The following BCAT1 variants were observed in gnomAD, a reference collection of about 807,000 sequenced individuals.
The protein encoded by BCAT1 is branched chain amino acid transaminase 1, also known as branched-chain-amino-acid aminotransferase, cytosolic.
A neutral mutation model predicts 52.4 loss-of-function variants in BCAT1; 48 were observed. The observed-to-expected ratio is 0.92, with a 90% confidence interval of 0.73 to 1.16. BCAT1 has a LOEUF of 1.16. Among genes scored for constraint, BCAT1 ranks in the 50% most tolerant of loss-of-function variants. The probability of loss-of-function intolerance (pLI) is 0.00; values close to 1 mark genes in which losing one functional copy is unlikely to be tolerated. For missense variants in BCAT1, 451 were observed against 457.1 expected, an observed-to-expected ratio of 0.99 and a Z score of 0.12; for synonymous variants, 167 against 161.3, an observed-to-expected ratio of 1.04 and a Z score of -0.27.
In BCAT1 at chr12:24,817,902, T is replaced by A; in HGVS notation, c.*106A>T. 1 of 1,185,204 alleles carries A rather than the reference T, an allele frequency of 8.4e-7. No homozygotes were observed. Among genetic ancestry groups the A allele is most frequent in the South Asian group, 1.3e-5 (1 of 77,350 alleles). 73.4% of individuals were successfully genotyped at this position (1,185,204 alleles called of 1,614,324 possible). A position where few individuals can be genotyped will look rare whatever the true frequency, so the allele number is the denominator to read the frequency against. On this transcript the variant is annotated 3_prime_UTR_variant, in exon 11 of 11. Coordinates refer to ENST00000261192, the MANE Select transcript of BCAT1 (RefSeq NM_005504.7). The stretch of plus-strand genomic sequence containing the variant: ...AACACATTGATACTACAAACTACAT[T>A]ATGCACAGGTAGCCAAAGAAATCTA...
Position 24,833,802 on chromosome 12 carries a change from C to CT in BCAT1, c.904-940dup, listed in dbSNP as rs1185120096. 2.0e-5 allele frequency: 3 copies of CT among 148,852 alleles called. No homozygotes were observed. In the East Asian group the frequency reaches 5.9e-4, roughly 29 times the overall value. The allele number at this position is 148,852 out of a possible 1,614,324, so 9.2% of individuals were successfully genotyped here. On this transcript the variant is annotated intron_variant, in intron 8 of 10. Transcript: ENST00000261192. ...TCTGATTGGCTCCAAATTTGGTACTCTTTCTACGTTTGTCTCTTTCTTTTT... is the reference window on the plus strand; with the variant it reads ...TCTGATTGGCTCCAAATTTGGTACTCTTTTCTACGTTTGTCTCTTTCTTTTT...
At chr12:24,927,171 G>A (rs1465267836) in intron 1 of BCAT1, among the ~76,000 whole-genome samples, 1 of 152,108 alleles carries the variant, frequency 6.6e-6, no homozygotes, top group African/African-American at 2.4e-5. Context: ...TAAAAATCAA[G>A]TTATAAGATG....
chr12:24,902,980 G>C, intron 1 of BCAT1: 1 of 1,490,810 alleles, frequency 6.7e-7, no homozygotes, highest in South Asian at 1.3e-5. Context: ...AGCGAAGCGG[G>C]CTGGCCATGG....
intron 1 of BCAT1, chr12:24,903,112 C>G: frequency 1.5e-6 from 2 of 1,330,434 alleles, no homozygotes; most frequent in Non-Finnish European, 1.9e-6. Flanking sequence ...GGTACCACGA[C>G]CTGGGGCCGC....
At chr12:24,917,195 C>CTTTTTTTTTTTTT (rs60491814) in intron 1 of BCAT1, among the ~76,000 whole-genome samples, 2 of 103,556 alleles carry the variant, frequency 1.9e-5, no homozygotes, top group Non-Finnish European at 3.7e-5. Flanking sequence ...GAGCTTTGGA[C>CTTTTTTTTTTTTT]TTTTTTTTTT....
chr12:24,935,815 C>T (rs1170927451), intron 1 of BCAT1, among the ~76,000 whole-genome samples: 1 of 152,152 alleles, frequency 6.6e-6, no homozygotes, highest in Non-Finnish European at 1.5e-5. Context: ...CAGTTTCATT[C>T]CACTGTATGA....
chr12:24,902,595 G>T, intron 1 of BCAT1: 2 of 439,690 alleles, frequency 4.5e-6, no homozygotes, highest in Non-Finnish European at 3.7e-6. Flanking sequence ...GTAGGATGTG[G>T]CTGTGGGTTC....
At chr12:24,943,991 G>GA (rs147669546) in intron 1 of BCAT1, among the ~76,000 whole-genome samples, 20,661 of 139,568 alleles carry the variant, frequency 0.15, 1,596 homozygotes, top group South Asian at 0.34. Context: ...CTCAACAAAA[G>GA]AAAAAAAAAA....
Position 24,836,908 on chromosome 12 carries a change from GAGAAAGAAAGAAAGAAAGAAAGAA to G in BCAT1, c.818-336_818-313del, listed in dbSNP as rs201215375. ...AAGAAAGAAAGAAAGAAAAGAAAGA[GAGAAAGAAAGAAAGAAAGAAAGAA>G]AGAAAGAAAGAAAGAAAGAAAGAAA... On this transcript the variant is annotated intron_variant, in intron 7 of 10. Coordinates refer to ENST00000261192, the MANE Select transcript of BCAT1 (RefSeq NM_005504.7). 3.2e-4 allele frequency among the ~76,000 whole-genome samples: 13 copies of G among 40,872 alleles called. 1 individual carries two copies. The highest frequency in any genetic ancestry group is 6.3e-4 in the Non-Finnish European group (11 of 17,572). 26.8% of individuals were successfully genotyped at this position (40,872 alleles called of 152,430 possible). A position where few individuals can be genotyped will look rare whatever the true frequency, so the allele number is the denominator to read the frequency against.
Position 24,832,713 on chromosome 12 carries a change from C to T in BCAT1, c.1044+10G>A, listed in dbSNP as rs371637802. On this transcript the variant is annotated intron_variant, in intron 9 of 10. Transcript: ENST00000261192. The stretch of plus-strand genomic sequence containing the variant: ...GGAAATGATAGGAAATGAGGAAATA[C>T]TTGTCGTACCTCGCCTTTGTACAGT... 9 of 1,597,216 alleles carry T rather than the reference C, an allele frequency of 5.6e-6. No homozygotes were observed. The highest frequency in any genetic ancestry group is 7.7e-6 in the Non-Finnish European group (9 of 1,172,140).
chr12:24,913,122 A>G (rs1331405235), intron 1 of BCAT1, among the ~76,000 whole-genome samples: 1 of 152,232 alleles, frequency 6.6e-6, no homozygotes, highest in Admixed American at 6.5e-5. Flanking sequence ...CATGTGCCAC[A>G]GAACCTAAAA....
At chr12:24,879,907 G>C (rs1942446710) in intron 4 of BCAT1, among the ~76,000 whole-genome samples, 1 of 152,188 alleles carries the variant, frequency 6.6e-6, no homozygotes, top group African/African-American at 2.4e-5. Flanking sequence ...TAGCAAAATT[G>C]ATGTCTAACA....
In BCAT1 at chr12:24,894,377, C is replaced by G; in HGVS notation, c.177G>C (p.Thr59=). Reference sequence around the variant, plus strand: ...ATCCAAACTCTGAGGACCACTCCACCGTCAGCATATGATCCGTGAACACAG... The same window carrying G: ...ATCCAAACTCTGAGGACCACTCCACGGTCAGCATATGATCCGTGAACACAG... ...FGTVFTDHML[T]VEWSSEFGWE... is the part of the protein sequence containing the mutation. The change falls in exon 3 of 11, where the codon ACG becomes ACC. Residue 59 remains threonine, a synonymous_variant. Transcript: ENST00000261192. The G allele has an allele frequency of 6.2e-7, 1 of 1,613,748 alleles. No individual in the cohort carries two copies. The highest frequency in any genetic ancestry group is 8.5e-7 in the Non-Finnish European group (1 of 1,179,798).
intron 1 of BCAT1, among the ~76,000 whole-genome samples, chr12:24,916,009 A>G (rs1401463539): frequency 6.6e-6 from 1 of 152,040 alleles, no homozygotes; most frequent in Non-Finnish European, 1.5e-5. Context: ...AATACAAAAA[A>G]TTAGCTGGGA....
At chr12:24,920,576 C>T (rs945458983) in intron 1 of BCAT1, among the ~76,000 whole-genome samples, 2 of 152,162 alleles carry the variant, frequency 1.3e-5, no homozygotes, top group African/African-American at 2.4e-5. Flanking sequence ...ACAATCAACA[C>T]GGAAGACTTC....
intron 1 of BCAT1, among the ~76,000 whole-genome samples, chr12:24,908,326 G>A (rs1236903345): frequency 1.3e-5 from 2 of 152,218 alleles, no homozygotes; most frequent in African/African-American, 2.4e-5. Context: ...TGATGGAAAC[G>A]TTCTATATCT....
intron 5 of BCAT1, among the ~76,000 whole-genome samples, chr12:24,866,107 A>C (rs1591820902): frequency 1.3e-5 from 2 of 152,212 alleles, no homozygotes; most frequent in East Asian, 1.9e-4. Flanking sequence ...CGGGCTGCGC[A>C]TGGTGCTTGT....
Position 24,881,372 on chromosome 12 carries a change from T to C in BCAT1, c.319A>G (p.Lys107Glu). 6.2e-7 allele frequency: 1 copy of C among 1,613,278 alleles called. No individual in the cohort carries two copies. Among genetic ancestry groups the C allele is most frequent in the Non-Finnish European group, 8.5e-7 (1 of 1,179,248 alleles). Residue 107 changes from lysine (K) to glutamate (E), a missense_variant, in exon 4 of 11, where the codon AAA becomes GAA. By Grantham distance (56) the Lys-to-Glu change is moderately conservative (BLOSUM62 1). Transcript: ENST00000261192. ...GLKAFRGVDN[K>E]IRLFQPNLNM... ...AGGTTTGGCTGAAACAGTCGAATTT[T>C]ATTATCTACTCCTCGAAATGCCTTC...
At position 24,811,764 on chromosome 12, in the gene BCAT1, A is replaced by G. The variant is rs575942667; in HGVS notation, c.*6244T>C. 2.6e-5 allele frequency: 4 copies of G among 152,300 alleles called. No individual in the cohort carries two copies. The South Asian group carries it at 8.3e-4, about 32-fold the overall frequency. The allele number at this position is 152,300 out of a possible 1,614,324, so 9.4% of individuals were successfully genotyped here. On this transcript the variant is annotated 3_prime_UTR_variant, in exon 11 of 11. Transcript: ENST00000261192. ...TCAAGAATCACTACACAGCTAAGAT[A>G]TCTGAGACTTGCAATGGCTGGAGTC... is the stretch of plus-strand genomic sequence containing the variant.
Sources: allele counts gnomAD v4.1 joint callset (sites outside exome capture counted in the v4.1 genomes callset), GRCh38; gene constraint gnomAD v4.1.1; transcripts MANE v1.5; gene names NCBI Gene and HGNC (gene_info 2026-07-23, HGNC 2026-07-21).